Variants in MAP4K3 observed in about 807,000 individuals in gnomAD.
MAP4K3 encodes MAPK/ERK kinase kinase kinase 3.
A neutral mutation model predicts 143.5 loss-of-function variants in MAP4K3; 94 were observed. The observed-to-expected ratio is 0.65, with a 90% CI of 0.55 to 0.78. The LOEUF (loss-of-function observed/expected upper bound fraction) is 0.78, where lower values mean the gene tolerates loss of function less well. Among genes scored for constraint, MAP4K3 ranks in the 30% least tolerant of loss-of-function variants. MAP4K3 has a pLI of 0.00. For missense variants in MAP4K3, 1,077 were observed against 1,068.1 expected, an observed-to-expected ratio of 1.01 and a Z score of -0.12; for synonymous variants, 416 against 347.2, an observed-to-expected ratio of 1.20 and a Z score of -2.20.
intron 1 of MAP4K3, among the ~76,000 whole-genome samples, chr2:39,407,108 G>A (rs1228139486): frequency 1.3e-5 from 2 of 152,058 alleles, no homozygotes; most frequent in Non-Finnish European, 2.9e-5. Flanking sequence ...TGTATTAACA[G>A]ACCAAAAATG....
intron 3 of MAP4K3, among the ~76,000 whole-genome samples, chr2:39,354,225 C>A (rs777394988): frequency 1.3e-5 from 2 of 151,934 alleles, no homozygotes; most frequent in African/African-American, 2.4e-5. Flanking sequence ...GGGTGGATCA[C>A]GAGGTCAGGA....
intron 1 of MAP4K3, among the ~76,000 whole-genome samples, chr2:39,381,325 A>G (rs1666351065): frequency 1.3e-5 from 2 of 152,110 alleles, no homozygotes; most frequent in Admixed American, 1.3e-4. Context: ...TTCTTTGTCC[A>G]TTTTAAATTC....
chr2:39,344,716 T>C (rs140540951), intron 3 of MAP4K3, among the ~76,000 whole-genome samples: 1 of 152,096 alleles, frequency 6.6e-6, no homozygotes, highest in Non-Finnish European at 1.5e-5. Context: ...CCTAGGAAAA[T>C]GAATGGAAAG....
intron 26 of MAP4K3, among the ~76,000 whole-genome samples, chr2:39,269,989 G>A (rs1052470112): frequency 3.3e-5 from 5 of 152,060 alleles, no homozygotes; most frequent in African/African-American, 1.2e-4. Context: ...GAACCAAAGC[G>A]CTTTTTAGAG....
chr2:39,316,454 G>A (rs975773714), intron 12 of MAP4K3, among the ~76,000 whole-genome samples: 3 of 152,056 alleles, frequency 2.0e-5, no homozygotes, highest in Non-Finnish European at 4.4e-5. Flanking sequence ...TAGAACAGAG[G>A]TGAACTGGAG....
Position 39,399,402 on chromosome 2 carries a change from T to A in MAP4K3, c.97-21279A>T, listed in dbSNP as rs147398554. ...TAGTGCGCAGCAGCCTTCAATCCAG[T>A]CAAAGAATGAAAGCCTCAGAGGAAA... On this transcript the variant is annotated intron_variant, in intron 1 of 33. Coordinates refer to ENST00000263881, the MANE Select transcript of MAP4K3 (RefSeq NM_003618.4). 9.5e-3 allele frequency among the ~76,000 whole-genome samples: 1,449 copies of A among 152,244 alleles called. 14 individuals carry two copies. The highest frequency in any genetic ancestry group is 0.012 in the Non-Finnish European group (838 of 68,010).
chr2:39,271,420 A>G (rs867575945), intron 26 of MAP4K3, among the ~76,000 whole-genome samples: 1 of 152,216 alleles, frequency 6.6e-6, no homozygotes, highest in South Asian at 2.1e-4. Flanking sequence ...CAAATATTAT[A>G]AAAAAGAATA....
At chr2:39,405,888 T>C (rs540752048) in intron 1 of MAP4K3, among the ~76,000 whole-genome samples, 3 of 151,184 alleles carry the variant, frequency 2.0e-5, no homozygotes, top group African/African-American at 7.3e-5. Context: ...TAAAACAAAA[T>C]AAAAAAGACA....
chr2:39,337,701 A>C (rs1665007417), intron 4 of MAP4K3, 120 bp from the exon 5 acceptor site: 2 of 546,124 alleles, frequency 3.7e-6, no homozygotes, highest in Admixed American at 2.7e-5. Flanking sequence ...ACTGAAATGT[A>C]AGCTAGGACT....
rs906110207 is a variant in MAP4K3 at position 39,353,343 on chromosome 2, A to G, written c.245+2906T>C. Among the ~76,000 whole-genome samples the G allele has an allele frequency of 5.9e-5, 9 of 152,344 alleles. No homozygotes were observed. In the East Asian group the frequency reaches 1.3e-3, roughly 23 times the overall value. ...AAGAATCTCTACAGAAGAAAAGAGCAAGAGAGAGATAAAATTAATTGCTAT... is the reference window on the plus strand; with the variant it reads ...AAGAATCTCTACAGAAGAAAAGAGCGAGAGAGAGATAAAATTAATTGCTAT... On this transcript the variant is annotated intron_variant, in intron 3 of 33. Coordinates refer to ENST00000263881, the MANE Select transcript of MAP4K3 (RefSeq NM_003618.4).
At chr2:39,263,953 C>T (rs1232257695) in intron 28 of MAP4K3, among the ~76,000 whole-genome samples, 1 of 152,112 alleles carries the variant, frequency 6.6e-6, no homozygotes, top group Non-Finnish European at 1.5e-5. Flanking sequence ...TATTAGATAA[C>T]ACATAAAATT....
At chr2:39,318,866 G>C (rs1308786395) in intron 12 of MAP4K3, among the ~76,000 whole-genome samples, 4 of 152,146 alleles carry the variant, frequency 2.6e-5, no homozygotes, top group Admixed American at 2.6e-4. Flanking sequence ...AGAATGTCAA[G>C]TTTGTACGGG....
intron 16 of MAP4K3, among the ~76,000 whole-genome samples, chr2:39,293,630 T>C (rs1173645926): frequency 6.6e-6 from 1 of 152,214 alleles, no homozygotes; most frequent in Non-Finnish European, 1.5e-5. Context: ...ATTCAAATTT[T>C]ACCTGGAATT....
intron 8 of MAP4K3, among the ~76,000 whole-genome samples, chr2:39,328,587 G>C (rs965062509): frequency 6.6e-6 from 1 of 152,100 alleles, no homozygotes; most frequent in Admixed American, 6.6e-5. Flanking sequence ...TTACTAAAAA[G>C]GGGCAAAATA....
chr2:39,257,101 A>G (rs980822313), intron 31 of MAP4K3, among the ~76,000 whole-genome samples: 1 of 152,196 alleles, frequency 6.6e-6, no homozygotes, highest in Non-Finnish European at 1.5e-5. Flanking sequence ...CAGAACCAGG[A>G]ATAAGACAAT....
intron 18 of MAP4K3, among the ~76,000 whole-genome samples, chr2:39,291,437 A>G (rs1443263641): frequency 6.6e-6 from 1 of 152,250 alleles, no homozygotes; most frequent in African/African-American, 2.4e-5. Flanking sequence ...TAAATGATAC[A>G]GTATAAAATA....
chr2:39,399,044 T>TA (rs57189056), intron 1 of MAP4K3, among the ~76,000 whole-genome samples: 10,170 of 116,316 alleles, frequency 0.087, 1,041 homozygotes, highest in African/African-American at 0.25. Context: ...TCTGTCTCGT[T>TA]AAAAAAAAAA....
intron 1 of MAP4K3, among the ~76,000 whole-genome samples, chr2:39,433,761 A>G (rs1057058485): frequency 6.6e-6 from 1 of 152,226 alleles, no homozygotes; most frequent in Non-Finnish European, 1.5e-5. Context: ...CAGGCACTTC[A>G]TGACAGATAA....
At chr2:39,321,516 G>A (rs1266164907) in intron 12 of MAP4K3, among the ~76,000 whole-genome samples, 1 of 152,188 alleles carries the variant, frequency 6.6e-6, no homozygotes, top group Non-Finnish European at 1.5e-5. Flanking sequence ...CTCCCCATGT[G>A]ATAGTCTGAA....
Sources: allele counts gnomAD v4.1 joint callset (sites outside exome capture counted in the v4.1 genomes callset), GRCh38; gene constraint gnomAD v4.1.1; transcripts MANE v1.5; gene names NCBI Gene and HGNC (gene_info 2026-07-23, HGNC 2026-07-21).